Variants in TPD52L1 observed in about 807,000 individuals in gnomAD.
TPD52L1 encodes TPD52 like 1.
TPD52L1 carries 18 observed loss-of-function variants against 28.7 expected under a neutral mutation model. That is an observed-to-expected ratio of 0.63 (90% CI 0.43 to 0.93). TPD52L1 has a LOEUF of 0.93. Ranked by LOEUF, TPD52L1 falls within the 40% of genes least tolerant of loss-of-function variation. TPD52L1 has a pLI of 0.00. For missense variants in TPD52L1, 203 were observed against 254.8 expected, an observed-to-expected ratio of 0.80 and a Z score of 1.39; for synonymous variants, 75 against 88.8, an observed-to-expected ratio of 0.84 and a Z score of 0.88.
At chr6:125,204,641 G>A (rs938702416) in intron 1 of TPD52L1, among the ~76,000 whole-genome samples, 1 of 151,956 alleles carries the variant, frequency 6.6e-6, no homozygotes, top group Non-Finnish European at 1.5e-5. Flanking sequence ...CGTCACGCCC[G>A]GGTAACTTTT....
At chr6:125,208,457 G>A (rs1199122290) in intron 1 of TPD52L1, among the ~76,000 whole-genome samples, 1 of 152,136 alleles carries the variant, frequency 6.6e-6, no homozygotes, top group Non-Finnish European at 1.5e-5. Flanking sequence ...AGGATGGATA[G>A]TTCCCAGAAG....
At chr6:125,208,887 C>T (rs930992586) in intron 1 of TPD52L1, 1 of 985,150 alleles carries the variant, frequency 1.0e-6, no homozygotes, top group African/African-American at 1.7e-5. Flanking sequence ...GTGAAGAGAA[C>T]CTTTCAATCC....
intron 1 of TPD52L1, among the ~76,000 whole-genome samples, chr6:125,172,109 T>TTTCC (rs1791370318): frequency 3.4e-5 from 2 of 58,684 alleles, no homozygotes; most frequent in Admixed American, 3.5e-4. Flanking sequence ...CCTTTCTTTC[T>TTTCC]TTCTTTCTTT....
At chr6:125,198,588 G>T (rs1047230197) in intron 1 of TPD52L1, among the ~76,000 whole-genome samples, 2 of 151,818 alleles carry the variant, frequency 1.3e-5, no homozygotes, top group African/African-American at 4.9e-5. Context: ...ACCACTTTCT[G>T]TCTATGAACG....
At chr6:125,203,845 C>T in intron 1 of TPD52L1, 1 of 944,532 alleles carries the variant, frequency 1.1e-6, no homozygotes. Context: ...TATACTTGTT[C>T]CCTTGACCTA....
intron 1 of TPD52L1, among the ~76,000 whole-genome samples, chr6:125,172,157 T>TTTCTTTC (rs1554202455): frequency 7.2e-4 from 39 of 54,012 alleles, no homozygotes; most frequent in African/African-American, 8.6e-4. Context: ...TCTTTCTTTC[T>TTTCTTTC]TTTCTTTCTT....
chr6:125,227,882 C>T (rs1433160372), intron 2 of TPD52L1, among the ~76,000 whole-genome samples: 1 of 152,154 alleles, frequency 6.6e-6, no homozygotes, highest in African/African-American at 2.4e-5. Context: ...TTTTCTGTAG[C>T]ACAGGGGAAA....
intron 6 of TPD52L1, among the ~76,000 whole-genome samples, chr6:125,258,971 C>A (rs888127064): frequency 3.3e-5 from 5 of 152,206 alleles, no homozygotes; most frequent in African/African-American, 1.2e-4. Flanking sequence ...CCTCCCACTT[C>A]CTAAATAATT....
intron 3 of TPD52L1, 57 bp downstream of exon 3, chr6:125,229,323 T>G: frequency 6.7e-7 from 1 of 1,487,622 alleles, no homozygotes; most frequent in Non-Finnish European, 9.0e-7. Context: ...CTCACTCTGT[T>G]GTGTTTTGTT....
intron 1 of TPD52L1, among the ~76,000 whole-genome samples, chr6:125,213,403 C>T (rs886114653): frequency 6.6e-6 from 1 of 152,034 alleles, no homozygotes; most frequent in African/African-American, 2.4e-5. Context: ...TAGCTGGGAA[C>T]ATGATGTCCC....
intron 1 of TPD52L1, among the ~76,000 whole-genome samples, chr6:125,164,131 C>A (rs564249569): frequency 1.7e-3 from 260 of 152,186 alleles, no homozygotes; most frequent in African/African-American, 6.0e-3. Flanking sequence ...TCTATAGGTA[C>A]TTTGTATGCA....
At chr6:125,190,561 CTAT>C (rs1360328012) in intron 1 of TPD52L1, among the ~76,000 whole-genome samples, 5 of 152,060 alleles carry the variant, frequency 3.3e-5, no homozygotes, top group Non-Finnish European at 7.4e-5. Flanking sequence ...CACTTTATTT[CTAT>C]TATTATTATA....
intron 5 of TPD52L1, 61 bp downstream of exon 5, chr6:125,253,816 AT>A (rs1797424787): frequency 6.2e-6 from 9 of 1,455,204 alleles, no homozygotes; most frequent in Non-Finnish European, 7.7e-6. Flanking sequence ...GTGTTATTTT[AT>A]TTATATTTAC....
chr6:125,242,391 T>A (rs1796667494), intron 3 of TPD52L1, among the ~76,000 whole-genome samples: 1 of 152,118 alleles, frequency 6.6e-6, no homozygotes, highest in Non-Finnish European at 1.5e-5. Flanking sequence ...ATTGTAGTAT[T>A]AAAGTCCCCC....
At chr6:125,164,478 T>G (rs1790748684) in intron 1 of TPD52L1, among the ~76,000 whole-genome samples, 1 of 152,164 alleles carries the variant, frequency 6.6e-6, no homozygotes, top group African/African-American at 2.4e-5. Context: ...TTATTCCACT[T>G]GGTGTTCATC....
At chr6:125,169,188 T>C (rs983207965) in intron 1 of TPD52L1, among the ~76,000 whole-genome samples, 1 of 151,996 alleles carries the variant, frequency 6.6e-6, no homozygotes, top group Non-Finnish European at 1.5e-5. Flanking sequence ...ACTGAACAGT[T>C]CTCCTCCTTC....
chr6:125,256,949 C>G, intron 5 of TPD52L1, 149 bp from the exon 6 acceptor site: 1 of 609,128 alleles, frequency 1.6e-6, no homozygotes, highest in Non-Finnish European at 2.9e-6. Context: ...AAGTGACATA[C>G]ATTTTAAAAC....
chr6:125,223,708 C>CAAAAAAAAAAA (rs11294390), intron 2 of TPD52L1, among the ~76,000 whole-genome samples: 1 of 71,486 alleles, frequency 1.4e-5, no homozygotes, highest in Non-Finnish European at 2.8e-5. Context: ...GATTCCATCT[C>CAAAAAAAAAAA]AAAAAAAAAA....
chr6:125,172,919 T>C (rs1050714299), intron 1 of TPD52L1, among the ~76,000 whole-genome samples: 1 of 152,046 alleles, frequency 6.6e-6, no homozygotes, highest in African/African-American at 2.4e-5. Context: ...TATTAGGTAA[T>C]TGCATGAATG....
Sources: allele counts gnomAD v4.1 joint callset (sites outside exome capture counted in the v4.1 genomes callset), GRCh38; gene constraint gnomAD v4.1.1; transcripts MANE v1.5; gene names NCBI Gene and HGNC (gene_info 2026-07-23, HGNC 2026-07-21).